EYS: variants seen among roughly 807,000 people sequenced by gnomAD.
EYS encodes the protein protein eyes shut homolog.
EYS carries 250 observed loss-of-function variants against 282.1 expected under a neutral mutation model. The ratio of observed to expected loss-of-function variants is 0.89; its 90% CI spans 0.80 to 0.98. The LOEUF is 0.98. EYS is among the 50% of genes least tolerant of loss of function. The pLI is 0.00. For missense variants in EYS, 4,016 were observed against 3,709.0 expected (o/e 1.08, Z -2.15); for synonymous variants, 1,355 against 1,282.9 (o/e 1.06, Z -1.20).
chr6:64,298,789 A>G (rs1433736378), intron 30 of EYS, among the ~76,000 whole-genome samples: 4 of 152,190 alleles, frequency 2.6e-5, no homozygotes, highest in Non-Finnish European at 5.9e-5. Context: ...GATTTACTTT[A>G]GATCTAAAAC....
intron 33 of EYS, among the ~76,000 whole-genome samples, chr6:64,058,286 G>T (rs1333013992): frequency 6.6e-6 from 1 of 150,912 alleles, no homozygotes; most frequent in Non-Finnish European, 1.5e-5. Context: ...AAAAAAAATA[G>T]AATGGTCTAT....
chr6:64,941,069 C>A (rs1170536988), intron 15 of EYS, among the ~76,000 whole-genome samples: 1 of 151,944 alleles, frequency 6.6e-6, no homozygotes, highest in Non-Finnish European at 1.5e-5. Context: ...GTATGCCAAA[C>A]AAATCTAGGA....
intron 5 of EYS, among the ~76,000 whole-genome samples, chr6:65,452,969 A>G (rs896810958): frequency 6.6e-6 from 1 of 152,064 alleles, no homozygotes; most frequent in Non-Finnish European, 1.5e-5. Context: ...GATCACAGAC[A>G]AGCTCCGTAA....
chr6:64,260,992 A>ATCTG (rs1009141457), intron 30 of EYS, among the ~76,000 whole-genome samples: 7 of 130,114 alleles, frequency 5.4e-5, no homozygotes, highest in Non-Finnish European at 1.2e-4. Context: ...TAACTAGAGT[A>ATCTG]TCACTTTCAG....
At chr6:63,798,237 T>C (rs1770694289) in intron 37 of EYS, among the ~76,000 whole-genome samples, 1 of 152,222 alleles carries the variant, frequency 6.6e-6, no homozygotes, top group South Asian at 2.1e-4. Context: ...ACTAGTCACA[T>C]GTGACAATTT....
chr6:63,828,382 C>T (rs1771532519), intron 36 of EYS, among the ~76,000 whole-genome samples: 1 of 123,160 alleles, frequency 8.1e-6, no homozygotes, highest in South Asian at 2.3e-4. Context: ...GAAGAAATGA[C>T]TGACACCACT....
chr6:64,831,629 C>T (rs1418617302), intron 19 of EYS, among the ~76,000 whole-genome samples: 1 of 151,832 alleles, frequency 6.6e-6, no homozygotes, highest in African/African-American at 2.4e-5. Flanking sequence ...TATTTTCCTA[C>T]CTCTTTTATG....
intron 11 of EYS, among the ~76,000 whole-genome samples, chr6:65,332,687 G>C (rs544742451): frequency 6.6e-6 from 1 of 151,040 alleles, no homozygotes; most frequent in East Asian, 2.0e-4. Flanking sequence ...TCTATTTTTG[G>C]AGGAGGTGGT....
rs962679368 is a variant in EYS, at chr6:65,610,020, T to C, written c.-333+29758A>G. ...GCTCAAGTATCCTTTCGAATCAGCC[T>C]CCCTAGCAGTTGGGACTACAGGTGC... On this transcript the variant is annotated intron_variant, in intron 2 of 42. Coordinates refer to ENST00000503581, the MANE Select transcript of EYS (RefSeq NM_001142800.2). Among the ~76,000 whole-genome samples the C allele has an allele frequency of 3.9e-5, 6 of 152,026 alleles. No homozygotes were observed. The East Asian group carries it at 5.8e-4, about 15-fold the overall frequency.
intron 26 of EYS, among the ~76,000 whole-genome samples, chr6:64,561,125 T>G (rs1439140961): frequency 6.6e-6 from 1 of 151,884 alleles, no homozygotes; most frequent in East Asian, 1.9e-4. Context: ...AAATCCAACA[T>G]CCCTAAATGT....
intron 22 of EYS, among the ~76,000 whole-genome samples, chr6:64,702,272 C>G (rs1770819021): frequency 6.6e-6 from 1 of 151,990 alleles, no homozygotes; most frequent in Non-Finnish European, 1.5e-5. Flanking sequence ...AAATAGAGAA[C>G]AGAGCCTACC....
At chr6:64,443,645 A>T (rs1157408095) in intron 26 of EYS, among the ~76,000 whole-genome samples, 6 of 152,096 alleles carry the variant, frequency 3.9e-5, no homozygotes, top group African/African-American at 1.4e-4. Flanking sequence ...TGTGATTATG[A>T]ATGGTTCTTC....
chr6:65,616,439 A>C (rs911869131), intron 2 of EYS, among the ~76,000 whole-genome samples: 3 of 152,098 alleles, frequency 2.0e-5, no homozygotes, highest in African/African-American at 7.2e-5. Flanking sequence ...TTTTAAGACT[A>C]ATTTTATTGA....
At chr6:64,228,701 G>A (rs1766326185) in intron 31 of EYS, among the ~76,000 whole-genome samples, 1 of 152,014 alleles carries the variant, frequency 6.6e-6, no homozygotes, top group Non-Finnish European at 1.5e-5. Context: ...AGCAAAAATA[G>A]GATAGATTTC....
chr6:65,175,327 G>A lies in EYS; in HGVS notation c.2024-117600C>T, dbSNP rs114495606. Among the ~76,000 whole-genome samples, 1,223 of 151,444 alleles carry A rather than the reference G, an allele frequency of 8.1e-3. 20 individuals carry two copies. Among genetic ancestry groups the A allele is most frequent in the African/African-American group, 0.028 (1,155 of 41,468 alleles). On this transcript the variant is annotated intron_variant, in intron 12 of 42. Coordinates refer to ENST00000503581, the MANE Select transcript of EYS (RefSeq NM_001142800.2). ...AGGCAAGCACAGGAGATGTGCTTAA[G>A]CTATAGTAAAAACTTTTAGATACTA...
intron 2 of EYS, among the ~76,000 whole-genome samples, chr6:65,627,675 C>CTTAG (rs555496550): frequency 2.2e-4 from 33 of 152,322 alleles, no homozygotes; most frequent in African/African-American, 7.9e-4. Context: ...CAATGAGGGA[C>CTTAG]TTAGCACCCG....
At chr6:64,211,281 C>A (rs949594266) in intron 31 of EYS, among the ~76,000 whole-genome samples, 7 of 152,044 alleles carry the variant, frequency 4.6e-5, no homozygotes, top group African/African-American at 7.3e-5. Flanking sequence ...CAAATGTAGA[C>A]AATTTAGAGA....
At chr6:64,847,484 T>C (rs1765752184) in intron 19 of EYS, among the ~76,000 whole-genome samples, 1 of 152,088 alleles carries the variant, frequency 6.6e-6, no homozygotes, top group Admixed American at 6.6e-5. Context: ...TCATCTTTAA[T>C]TATCTTTTCA....
intron 22 of EYS, among the ~76,000 whole-genome samples, chr6:64,802,268 G>C (rs940671592): frequency 5.3e-5 from 8 of 151,474 alleles, no homozygotes; most frequent in Admixed American, 2.6e-4. Flanking sequence ...AGCCAGGATG[G>C]TCTCTAACTC....
Sources: gnomAD v4.1 joint callset for allele counts (sites outside exome capture counted in the v4.1 genomes callset) on GRCh38, gnomAD v4.1.1 for gene constraint, MANE v1.5 for transcripts, NCBI Gene and HGNC (gene_info 2026-07-23, HGNC 2026-07-21) for gene names.